Variants in DMKN observed in about 807,000 individuals in gnomAD.
DMKN encodes the protein dermokine.
Under a neutral mutation model 67.6 loss-of-function variants are expected in DMKN, and 58 were observed. That is an observed-to-expected ratio of 0.86 (90% CI 0.69 to 1.07). The LOEUF (loss-of-function observed/expected upper bound fraction) is 1.07, where lower values mean the gene tolerates loss of function less well. Among genes scored for constraint, DMKN ranks in the 50% least tolerant of loss-of-function variants. The pLI, the probability that DMKN is intolerant of heterozygous loss-of-function variation, is 0.00. For missense variants in DMKN, 596 were observed against 601.5 expected, an observed-to-expected ratio of 0.99 and a Z score of 0.10; for synonymous variants, 240 against 232.3, an observed-to-expected ratio of 1.03 and a Z score of -0.30.
At position 35,506,295 on chromosome 19, in the gene DMKN, G is replaced by A. The variant is rs576151250; in HGVS notation, c.1039-309C>T. On this transcript the variant is annotated intron_variant, in intron 7 of 15. Coordinates refer to ENST00000339686, the MANE Select transcript of DMKN (RefSeq NM_033317.5). ...ATCCCCACCTCGGTCCAGGCTTCCT[G>A]TCCTCCTCTCTATAAAGCTGCCTTC... 9.9e-6 allele frequency: 11 copies of A among 1,113,788 alleles called. No individual in the cohort carries two copies. In the African/African-American group the frequency reaches 1.6e-4, roughly 16 times the overall value. 69.0% of individuals were successfully genotyped at this position (1,113,788 alleles called of 1,614,324 possible). A position where few individuals can be genotyped will look rare whatever the true frequency, so the allele number is the denominator to read the frequency against.
In DMKN at chr19:35,499,815, C is replaced by T. The variant is rs537481040; in HGVS notation, c.1359+143G>A. 1.1e-4 allele frequency: 88 copies of T among 803,450 alleles called. No homozygotes were observed. The African/African-American group carries it at 1.4e-3, about 13-fold the overall frequency. The allele number at this position is 803,450 out of a possible 1,614,324, so 49.8% of individuals were successfully genotyped here. A position where few individuals can be genotyped will look rare whatever the true frequency, so the allele number is the denominator to read the frequency against. On this transcript the variant is annotated intron_variant, in intron 13 of 15. Coordinates refer to ENST00000339686, the MANE Select transcript of DMKN (RefSeq NM_033317.5). Reference sequence around the variant, plus strand: ...TCTCAGGGAACCCGAGTCTCCCTTGCAAAGGGGTGGGGAGGCCTGGACTCA... The same window carrying T: ...TCTCAGGGAACCCGAGTCTCCCTTGTAAAGGGGTGGGGAGGCCTGGACTCA...
intron 7 of DMKN, chr19:35,508,291 A>G: frequency 6.5e-7 from 1 of 1,547,122 alleles, no homozygotes. Context: ...TCCTGAGGCC[A>G]CCCCCGAAAA....
rs181682831 is a variant in DMKN, at chr19:35,501,592, G to A, written c.1239+544C>T. 2.6e-4 allele frequency among the ~76,000 whole-genome samples: 39 copies of A among 152,292 alleles called. No homozygotes were observed. The East Asian group carries it at 7.1e-3, about 28-fold the overall frequency. Reference sequence around the variant, plus strand: ...GTGCCCACGGGTCCTGTTTCTCAAAGGCTACTGGCCATGCAGAATTGGAGT... The same window carrying A: ...GTGCCCACGGGTCCTGTTTCTCAAAAGCTACTGGCCATGCAGAATTGGAGT... On this transcript the variant is annotated intron_variant, in intron 11 of 15. Transcript: ENST00000339686.
chr19:35,510,048 C>T, intron 6 of DMKN, 87 bp from the exon 7 acceptor site: 8 of 1,585,022 alleles, frequency 5.0e-6, no homozygotes, highest in Non-Finnish European at 6.9e-6. Flanking sequence ...AACCCTGGGG[C>T]GAGCCGCTTC....
Position 35,499,967 on chromosome 19 carries a change from G to A in DMKN, c.1350C>T (p.Thr450=). 6.2e-7 allele frequency: 1 copy of A among 1,614,106 alleles called. No individual in the cohort carries two copies. Among genetic ancestry groups the A allele is most frequent in the African/African-American group, 1.3e-5 (1 of 75,020 alleles). Residue 450 remains threonine (T), a synonymous_variant, in exon 13 of 16, where the codon ACC becomes ACT. Coordinates refer to ENST00000339686, the MANE Select transcript of DMKN (RefSeq NM_033317.5). The stretch of plus-strand genomic sequence containing the variant: ...TGGTTGCCGGTCTCACCTTTGCAGG[G>A]GTCTTGACTGAGTACTTCCCACCAT... The part of the protein sequence containing the change: ...TAYGGKYSVK[T]PAKGGVSPSS...
chr19:35,512,955 T>A, intron 1 of DMKN, 95 bp downstream of exon 1: 1 of 1,562,126 alleles, frequency 6.4e-7, no homozygotes, highest in Non-Finnish European at 8.6e-7. Context: ...AGCCTGCAAG[T>A]AAGAGATCCA....
At chr19:35,505,498 G>A (rs1037918103) in intron 9 of DMKN, among the ~76,000 whole-genome samples, 6 of 152,130 alleles carry the variant, frequency 3.9e-5, no homozygotes, top group African/African-American at 7.2e-5. Context: ...AAAGAAGCCC[G>A]TCCCCTCTGC....
chr19:35,498,011 C>T (rs1247201808), intron 15 of DMKN: 1 of 152,324 alleles, frequency 6.6e-6, no homozygotes, highest in East Asian at 1.9e-4. Context: ...ACTTGGAGTG[C>T]AATGGTGTGA....
chr19:35,512,516 A>G (rs2071017666), intron 2 of DMKN, 39 bp from the exon 3 acceptor site: 1 of 1,614,072 alleles, frequency 6.2e-7, no homozygotes, highest in African/African-American at 1.3e-5. Flanking sequence ...ATCCAGAGGG[A>G]CCAGGGAGGC....
intron 10 of DMKN, 148 bp from the exon 11 acceptor site, chr19:35,502,331 G>A (rs897429681): frequency 1.4e-5 from 10 of 722,678 alleles, no homozygotes; most frequent in African/African-American, 1.2e-4. Context: ...GTGGGAGATT[G>A]AGGGTGTCAG....
intron 7 of DMKN, chr19:35,506,492 G>C: frequency 1.8e-6 from 1 of 542,136 alleles, no homozygotes; most frequent in Non-Finnish European, 3.5e-6. Flanking sequence ...TAGTCCCACG[G>C]CACGCCAAGC....
chr19:35,498,411 A>T, intron 15 of DMKN: 1 of 442,144 alleles, frequency 2.3e-6, no homozygotes, highest in South Asian at 3.3e-5. Context: ...GTCTTGCTAT[A>T]TTGCCCAGTC....
At chr19:35,511,339 T>C in intron 5 of DMKN, 72 bp downstream of exon 5, 1 of 1,593,550 alleles carries the variant, frequency 6.3e-7, no homozygotes, top group South Asian at 1.1e-5. Flanking sequence ...CAGAGAAACT[T>C]GGAGCCCTCT....
In DMKN at chr19:35,509,945, T is replaced by C. The variant is rs2070402718; in HGVS notation, c.1004A>G (p.Asn335Ser). ...GHKPGCEKPG[N>S]EARGSGESGI... The stretch of plus-strand genomic sequence containing the variant: ...AGATTCCCCGCTCCCGCGGGCTTCA[T>C]TCCCTGGCTTTTCACACTGCCGGGG... Residue 335 changes from asparagine (N) to serine (S), a missense_variant, in exon 7 of 16, where the codon AAT (asparagine) becomes AGT (serine). Coordinates refer to ENST00000339686, the MANE Select transcript of DMKN (RefSeq NM_033317.5). 6.2e-7 allele frequency: 1 copy of C among 1,614,044 alleles called. No individual in the cohort carries two copies. Among genetic ancestry groups the C allele is most frequent in the Non-Finnish European group, 8.5e-7 (1 of 1,180,022 alleles).
chr19:35,512,903 G>A lies in DMKN; in HGVS notation c.427-113C>T, dbSNP rs560873746. On this transcript the variant is annotated intron_variant, in intron 1 of 15. Coordinates refer to ENST00000339686, the MANE Select transcript of DMKN (RefSeq NM_033317.5). ...GAGACAGGCAGAGGGACTCCAGGGT[G>A]GCATAGGAGGGGGGCAGAACATAGA... The A allele has an allele frequency of 5.4e-5, 81 of 1,497,312 alleles. No individual in the cohort carries two copies. In the African/African-American group the frequency reaches 1.1e-3, roughly 20 times the overall value. The allele number at this position is 1,497,312 out of a possible 1,614,324, so 92.8% of individuals were successfully genotyped here.
intron 5 of DMKN, 185 bp from the exon 6 acceptor site, chr19:35,510,437 C>G: frequency 1.3e-6 from 2 of 1,552,284 alleles, no homozygotes; most frequent in Non-Finnish European, 1.7e-6. Context: ...TGGAGAAGGC[C>G]AGGTGTGGCC....
At chr19:35,509,278 T>TA (rs571868344) in intron 7 of DMKN, among the ~76,000 whole-genome samples, 5 of 138,042 alleles carry the variant, frequency 3.6e-5, no homozygotes, top group African/African-American at 1.1e-4. Flanking sequence ...AATTTTTTTT[T>TA]AAAAAAACCA....
chr19:35,511,614 A>G, intron 4 of DMKN, 21 bp from the exon 5 acceptor site: 1 of 1,610,326 alleles, frequency 6.2e-7, no homozygotes, highest in African/African-American at 1.3e-5. Context: ...GGAAGGGAGC[A>G]GGGCTGGGAT....
chr19:35,501,775 T>C (rs2068411702), intron 11 of DMKN: 1 of 1,505,760 alleles, frequency 6.6e-7, no homozygotes, highest in Non-Finnish European at 8.9e-7. Flanking sequence ...AGGCCCCTTC[T>C]TCCCCTCAAT....
Sources: gnomAD v4.1 joint callset for allele counts (sites outside exome capture counted in the v4.1 genomes callset) on GRCh38, gnomAD v4.1.1 for gene constraint, MANE v1.5 for transcripts, NCBI Gene and HGNC (gene_info 2026-07-23, HGNC 2026-07-21) for gene names.